C2CD2: variants seen among roughly 807,000 people sequenced by gnomAD.
The protein encoded by C2CD2 is C2 calcium dependent domain containing 2.
C2CD2 carries 43 observed loss-of-function variants against 74.3 expected under a neutral mutation model. That is an observed-to-expected ratio of 0.58 (90% confidence interval 0.45 to 0.75). C2CD2 has a LOEUF of 0.75. C2CD2 is among the 30% of genes least tolerant of loss of function. The pLI is 0.00. For missense variants in C2CD2, 801 were observed against 916.3 expected, an observed-to-expected ratio of 0.87 and a Z score of 1.63; for synonymous variants, 422 against 390.7, an observed-to-expected ratio of 1.08 and a Z score of -0.94.
rs1569057112 is a variant in C2CD2, at chr21:41,899,147, TGCCGCG to T, written c.1770_1775del (p.Ala591_Ala592del). On this transcript the variant is annotated inframe_deletion, in exon 13 of 14. Coordinates refer to ENST00000380486, the MANE Select transcript of C2CD2 (RefSeq NM_015500.2). The surrounding 1 kb of genome is among the most constrained non-coding windows in gnomAD (Gnocchi z 4.4). ...GGTCCAGCAGGACCTGGCTGCTCCA[TGCCGCG>T]GCCTGTGGCTCCTTCTCCAAGTCCC... The T allele has an allele frequency of 1.2e-6, 2 of 1,613,790 alleles. No homozygotes were observed. The highest frequency in any genetic ancestry group is 1.7e-6 in the Non-Finnish European group (2 of 1,179,958).
rs1461899365 is a variant in C2CD2, at chr21:41,887,630, G to C, written c.*1494C>G. 1 of 151,460 alleles carries C rather than the reference G, an allele frequency of 6.6e-6. No homozygotes were observed. The highest frequency in any genetic ancestry group is 1.5e-5 in the Non-Finnish European group (1 of 67,896). 9.4% of individuals were successfully genotyped at this position (151,460 alleles called of 1,614,324 possible). On this transcript the variant is annotated 3_prime_UTR_variant, in exon 14 of 14. Coordinates refer to ENST00000380486, the MANE Select transcript of C2CD2 (RefSeq NM_015500.2). ...TCCTATAATTTTGGTTTTGATACCG[G>C]TTTTTACTAAAAAAGAAAAAATCCT...
At chr21:41,931,407 C>A (rs914817266) in intron 2 of C2CD2, among the ~76,000 whole-genome samples, 9 of 144,228 alleles carry the variant, frequency 6.2e-5, no homozygotes, top group African/African-American at 2.0e-4. Flanking sequence ...GAGATAAGAG[C>A]GTCTTTTGAG....
chr21:41,900,666 A>C (rs945149614), intron 12 of C2CD2, among the ~76,000 whole-genome samples: 3 of 152,224 alleles, frequency 2.0e-5, no homozygotes, highest in African/African-American at 4.8e-5. Context: ...CCTGTCTCCC[A>C]GCCACTGAGG....
chr21:41,916,883 T>C (rs2065098145), intron 5 of C2CD2, among the ~76,000 whole-genome samples: 1 of 152,200 alleles, frequency 6.6e-6, no homozygotes, highest in Non-Finnish European at 1.5e-5. Flanking sequence ...CCGCATACAT[T>C]TTGACATTAA....
At chr21:41,941,218 A>G (rs1327426345) in intron 2 of C2CD2, among the ~76,000 whole-genome samples, 1 of 152,138 alleles carries the variant, frequency 6.6e-6, no homozygotes, top group African/African-American at 2.4e-5. Flanking sequence ...AAAATTAGCC[A>G]GGCACGGTGA....
intron 1 of C2CD2, 60 bp downstream of exon 1, chr21:41,953,310 C>A (rs2065465362): frequency 3.3e-6 from 4 of 1,214,790 alleles, no homozygotes; most frequent in Admixed American, 3.9e-5. Context: ...GGAAAGACCT[C>A]GGCCCGGACC....
intron 8 of C2CD2, chr21:41,908,062 T>A (rs2064985392): frequency 2.3e-6 from 1 of 437,920 alleles, no homozygotes; most frequent in Non-Finnish European, 4.1e-6. Context: ...CTGAAGGACA[T>A]CACGGGGTCG....
At chr21:41,943,956 C>T (rs1293027821) in intron 1 of C2CD2, among the ~76,000 whole-genome samples, 1 of 152,208 alleles carries the variant, frequency 6.6e-6, no homozygotes, top group Non-Finnish European at 1.5e-5. Context: ...ACGCTCTGAG[C>T]TTGGTGATGA....
At chr21:41,910,376 G>C (rs1037577352) in intron 7 of C2CD2, among the ~76,000 whole-genome samples, 2 of 152,082 alleles carry the variant, frequency 1.3e-5, no homozygotes, top group African/African-American at 4.8e-5. Context: ...ATTTCCTTAG[G>C]AAAACTCTAA....
rs1290227526 is a variant in C2CD2, at chr21:41,939,466, T to A, written c.378+2681A>T. Among the ~76,000 whole-genome samples, 1 of 152,050 alleles carries A rather than the reference T, an allele frequency of 6.6e-6. No individual in the cohort carries two copies. The highest frequency in any genetic ancestry group is 1.5e-5 in the Non-Finnish European group (1 of 68,010). On this transcript the variant is annotated intron_variant, in intron 2 of 13. Coordinates refer to ENST00000380486, the MANE Select transcript of C2CD2 (RefSeq NM_015500.2). This position sits in a 1 kb window ranked among gnomAD's most constrained non-coding sequence, Gnocchi z 5.5. ...ACCACCCAGCCACAAAGGGATGAAG[T>A]CTCTATTTGCCACAAATAGAGAGGG...
chr21:41,897,888 G>C (rs2064842737), intron 13 of C2CD2, among the ~76,000 whole-genome samples: 1 of 152,194 alleles, frequency 6.6e-6, no homozygotes, highest in African/African-American at 2.4e-5. Context: ...GGCGTGTCCT[G>C]TGCACGGCAG....
chr21:41,932,838 G>A (rs1367332671), intron 2 of C2CD2, among the ~76,000 whole-genome samples: 1 of 150,434 alleles, frequency 6.6e-6, no homozygotes. Context: ...ATTTGCAAAG[G>A]TGATGACTTG....
At position 41,886,046 on chromosome 21, in the gene C2CD2, T is replaced by G. The variant is rs2064680043; in HGVS notation, c.*3078A>C. The stretch of plus-strand genomic sequence containing the variant: ...AACACACATAACACACACACACACT[T>G]AAAGCTCCATTTCACTCCTCCACAA... On this transcript the variant is annotated 3_prime_UTR_variant, in exon 14 of 14. Coordinates refer to ENST00000380486, the MANE Select transcript of C2CD2 (RefSeq NM_015500.2). 1 of 152,148 alleles carries G rather than the reference T, an allele frequency of 6.6e-6. No homozygotes were observed. Among genetic ancestry groups the G allele is most frequent in the Non-Finnish European group, 1.5e-5 (1 of 68,032 alleles). 9.4% of individuals were successfully genotyped at this position (152,148 alleles called of 1,614,324 possible).
intron 2 of C2CD2, among the ~76,000 whole-genome samples, chr21:41,933,360 GC>G (rs1289273018): frequency 7.5e-6 from 1 of 133,744 alleles, no homozygotes; most frequent in Non-Finnish European, 1.8e-5. Flanking sequence ...GGGGTGTGTG[GC>G]TTAGATACCA....
At chr21:41,951,149 C>T (rs921786269) in intron 1 of C2CD2, among the ~76,000 whole-genome samples, 3 of 152,124 alleles carry the variant, frequency 2.0e-5, no homozygotes, top group African/African-American at 7.2e-5. Flanking sequence ...GTGTGACAAT[C>T]GCTGGACTCG....
In C2CD2 at chr21:41,953,775, G is replaced by T; in HGVS notation, c.-127C>A. On this transcript the variant is annotated 5_prime_UTR_variant, in exon 1 of 14. Transcript: ENST00000380486. ...GTGGAGGGGGCGCGGCGGGGTCGGA[G>T]CCCGGCGAGGAGCGTGGCCGGGGGC... is the stretch of plus-strand genomic sequence containing the variant. 1.1e-6 allele frequency: 1 copy of T among 900,716 alleles called. No individual in the cohort carries two copies. Among genetic ancestry groups the T allele is most frequent in the Non-Finnish European group, 1.4e-6 (1 of 694,142 alleles). 55.8% of individuals were successfully genotyped at this position (900,716 alleles called of 1,614,324 possible). A position where few individuals can be genotyped will look rare whatever the true frequency, so the allele number is the denominator to read the frequency against.
chr21:41,918,012 A>G (rs919370556), intron 5 of C2CD2, 93 bp downstream of exon 5: 35 of 1,455,800 alleles, frequency 2.4e-5, no homozygotes, highest in Non-Finnish European at 3.2e-5. Context: ...TGGGAGGTGG[A>G]GGAACGCTGG....
At chr21:41,911,717 G>T (rs539461706) in intron 7 of C2CD2, among the ~76,000 whole-genome samples, 4 of 150,866 alleles carry the variant, frequency 2.7e-5, no homozygotes, top group South Asian at 4.2e-4. Context: ...TTGAGACAGG[G>T]TATCTCTCTG....
chr21:41,908,117 A>C (rs2064986133), intron 8 of C2CD2: 3 of 348,650 alleles, frequency 8.6e-6, no homozygotes, highest in Non-Finnish European at 1.6e-5. Flanking sequence ...AAGGAATTGC[A>C]GCAATGTAAA....
Sources: allele counts gnomAD v4.1 joint callset (sites outside exome capture counted in the v4.1 genomes callset), GRCh38; gene constraint gnomAD v4.1.1; non-coding constraint Gnocchi (gnomAD v3.1); transcripts MANE v1.5; gene names NCBI Gene and HGNC (gene_info 2026-07-23, HGNC 2026-07-21).